Variants in CDH2 observed in about 807,000 individuals in gnomAD.
The protein encoded by CDH2 is cadherin-2.
A neutral mutation model predicts 92.0 loss-of-function variants in CDH2; 17 were observed. The ratio of observed to expected loss-of-function variants is 0.18; its 90% CI spans 0.13 to 0.28. The LOEUF (loss-of-function observed/expected upper bound fraction) is 0.28. Ranked by LOEUF, CDH2 falls within the 10% of genes least tolerant of loss-of-function variation. The pLI, the probability that CDH2 is intolerant of heterozygous loss-of-function variation, is 1.00. For missense variants in CDH2, 862 were observed against 1,133.1 expected, an observed-to-expected ratio of 0.76 and a Z score of 3.44; for synonymous variants, 419 against 415.9, an observed-to-expected ratio of 1.01 and a Z score of -0.09.
chr18:27,947,183 A>ACTTT (rs566238010), downstream of CDH2, among the ~76,000 whole-genome samples: 313 of 151,944 alleles, frequency 2.1e-3, 4 homozygotes, highest in African/African-American at 7.1e-3. Context: ...ATTAAAAGTA[A>ACTTT]TACAACAGTA....
intron 6 of CDH2, among the ~76,000 whole-genome samples, chr18:27,942,338 C>T (rs1382032640): frequency 6.6e-6 from 1 of 152,156 alleles, no homozygotes; most frequent in Non-Finnish European, 1.5e-5. Context: ...GGTAGATAAA[C>T]ATGAACATGT....
chr18:28,087,293 TC>T lies in CDH2; in HGVS notation c.172+60379del, dbSNP rs1260925870. On this transcript the variant is annotated intron_variant, in intron 2 of 15. Coordinates refer to ENST00000269141, the MANE Select transcript of CDH2 (RefSeq NM_001792.5). ...AGCATGATAAAGCATAAAGCGGTTC[TC>T]CCCACACCATGATGAGGGACAAAGA... 2.0e-5 allele frequency among the ~76,000 whole-genome samples: 3 copies of T among 152,232 alleles called. No individual in the cohort carries two copies. The East Asian group carries it at 5.8e-4, about 29-fold the overall frequency.
intron 2 of CDH2, among the ~76,000 whole-genome samples, chr18:28,082,383 C>A (rs946178863): frequency 6.6e-6 from 1 of 152,084 alleles, no homozygotes; most frequent in Non-Finnish European, 1.5e-5. Flanking sequence ...TGTACTTCAG[C>A]CTGGCCAACA....
chr18:28,086,531 C>G (rs937995606), intron 2 of CDH2, among the ~76,000 whole-genome samples: 39 of 151,984 alleles, frequency 2.6e-4, no homozygotes, highest in African/African-American at 8.7e-4. Context: ...CTATTTCCTT[C>G]TGTGTGGGTC....
intron 2 of CDH2, among the ~76,000 whole-genome samples, chr18:28,115,372 G>C (rs541985446): frequency 1.3e-5 from 2 of 152,256 alleles, no homozygotes; most frequent in East Asian, 3.9e-4. Flanking sequence ...GAAGATGCAG[G>C]AATATCCCAG....
chr18:28,082,230 GACTCTT>G (rs1381262037), intron 2 of CDH2, among the ~76,000 whole-genome samples: 5 of 150,266 alleles, frequency 3.3e-5, no homozygotes, highest in Non-Finnish European at 7.4e-5. Context: ...AATATATGGA[GACTCTT>G]GTCTCTAAAA....
At chr18:28,043,492 ATAAATAT>A (rs2014001048) in intron 2 of CDH2, among the ~76,000 whole-genome samples, 3 of 75,146 alleles carry the variant, frequency 4.0e-5, no homozygotes, top group Admixed American at 1.7e-4. Context: ...ATATATATAT[ATAAATAT>A]ATATATATAT....
At chr18:28,170,055 G>A (rs1475565055) in intron 1 of CDH2, among the ~76,000 whole-genome samples, 1 of 152,192 alleles carries the variant, frequency 6.6e-6, no homozygotes, top group Non-Finnish European at 1.5e-5. Context: ...CAGGCACTGA[G>A]AACTCAGCAT....
intron 14 of CDH2, among the ~76,000 whole-genome samples, chr18:27,969,831 C>A (rs942426153): frequency 3.9e-4 from 59 of 152,190 alleles, no homozygotes; most frequent in African/African-American, 1.4e-3. Flanking sequence ...AGCTGGCCAA[C>A]ATGGTGCAAC....
At chr18:27,995,790 C>T (rs73400022) in intron 7 of CDH2, among the ~76,000 whole-genome samples, 3 of 151,570 alleles carry the variant, frequency 2.0e-5, no homozygotes, top group African/African-American at 4.8e-5. Flanking sequence ...TTCCAAAGTA[C>T]AATATCTCTT....
chr18:28,059,731 T>C (rs1320408845), intron 2 of CDH2, among the ~76,000 whole-genome samples: 1 of 152,232 alleles, frequency 6.6e-6, no homozygotes, highest in East Asian at 1.9e-4. Flanking sequence ...TATGCAGATA[T>C]GCAAGCATAT....
chr18:28,141,686 G>GAA (rs1380669906), intron 2 of CDH2, among the ~76,000 whole-genome samples: 1 of 151,884 alleles, frequency 6.6e-6, no homozygotes, highest in Non-Finnish European at 1.5e-5. Flanking sequence ...ACAACAGCCA[G>GAA]AATGATCCTG....
intron 1 of CDH2, among the ~76,000 whole-genome samples, chr18:28,160,851 T>C (rs902892940): frequency 4.6e-5 from 7 of 152,174 alleles, no homozygotes; most frequent in Non-Finnish European, 7.3e-5. Flanking sequence ...GCACTTCCTA[T>C]TTACCATTTG....
intron 2 of CDH2, among the ~76,000 whole-genome samples, chr18:28,033,665 C>T (rs1394676845): frequency 6.6e-6 from 1 of 152,016 alleles, no homozygotes; most frequent in Non-Finnish European, 1.5e-5. Context: ...GAAACACAGG[C>T]ATCATTCAAA....
chr18:27,954,504 T>TC (rs1307573440), intron 15 of CDH2: 1 of 152,240 alleles, frequency 6.6e-6, no homozygotes, highest in Non-Finnish European at 1.5e-5. Context: ...AATCCCCCTT[T>TC]CCCCCTCTGC....
At chr18:27,976,980 G>T (rs1459168556) in intron 14 of CDH2, among the ~76,000 whole-genome samples, 1 of 152,162 alleles carries the variant, frequency 6.6e-6, no homozygotes, top group Non-Finnish European at 1.5e-5. Flanking sequence ...GATATGGAAA[G>T]AACTTGATAC....
intron 2 of CDH2, among the ~76,000 whole-genome samples, chr18:28,118,623 T>C (rs2015535923): frequency 6.6e-6 from 1 of 151,774 alleles, no homozygotes. Flanking sequence ...GCGCTGACTT[T>C]AGGTTGTGAG....
chr18:28,097,848 T>C (rs550712151), intron 2 of CDH2, among the ~76,000 whole-genome samples: 2 of 152,272 alleles, frequency 1.3e-5, no homozygotes, highest in Admixed American at 1.3e-4. Context: ...AAAAATAAGT[T>C]TTATAATTTT....
At position 28,036,598 on chromosome 18, in the gene CDH2, C is replaced by T. The variant is rs1285737015; in HGVS notation, c.173-22689G>A. On this transcript the variant is annotated intron_variant, in intron 2 of 15. Coordinates refer to ENST00000269141, the MANE Select transcript of CDH2 (RefSeq NM_001792.5). Reference sequence around the variant, plus strand: ...ATTCCTTCTGCTTAGTGAACAAAGTCATAATAGGTATGTCAGAATGAAAGC... The same window carrying T: ...ATTCCTTCTGCTTAGTGAACAAAGTTATAATAGGTATGTCAGAATGAAAGC... 4 of 1,260,974 alleles carry T rather than the reference C, an allele frequency of 3.2e-6. No individual in the cohort carries two copies. The African/African-American group carries it at 5.9e-5, about 19-fold the overall frequency. The allele number at this position is 1,260,974 out of a possible 1,614,324, so 78.1% of individuals were successfully genotyped here.
Sources: gnomAD v4.1 joint callset for allele counts (sites outside exome capture counted in the v4.1 genomes callset) on GRCh38, gnomAD v4.1.1 for gene constraint, MANE v1.5 for transcripts, NCBI Gene and HGNC (gene_info 2026-07-23, HGNC 2026-07-21) for gene names.